Variants in CDC42SE2 observed in about 807,000 individuals in gnomAD.
CDC42SE2 encodes the protein CDC42 small effector 2, also known as CDC42 small effector protein 2.
A neutral mutation model predicts 11.5 loss-of-function variants in CDC42SE2; 3 were observed. The ratio of observed to expected loss-of-function variants is 0.26; its 90% confidence interval spans 0.12 to 0.67. The LOEUF (loss-of-function observed/expected upper bound fraction) is 0.67, where lower values mean the gene tolerates loss of function less well. Among genes scored for constraint, CDC42SE2 ranks in the 30% least tolerant of loss-of-function variants. CDC42SE2 has a pLI of 0.80. For synonymous variants in CDC42SE2, 33 were observed against 34.8 expected (o/e 0.95, Z 0.18); for missense variants, 82 against 106.8 (o/e 0.77, Z 1.02).
chr5:131,253,941 A>G (rs186850626), intron 1 of CDC42SE2, among the ~76,000 whole-genome samples: 13 of 152,234 alleles, frequency 8.5e-5, no homozygotes, highest in East Asian at 7.7e-4. Flanking sequence ...GATGTGTCCT[A>G]TATTTTCTGA....
At chr5:131,273,596 C>A (rs1580724262) in intron 1 of CDC42SE2, among the ~76,000 whole-genome samples, 2 of 150,756 alleles carry the variant, frequency 1.3e-5, no homozygotes, top group South Asian at 4.2e-4. Flanking sequence ...TGGTGAAACC[C>A]CGTCTCTACT....
chr5:131,348,729 TGACTTCAAACTATACTACAA>T (rs576577580), intron 2 of CDC42SE2, among the ~76,000 whole-genome samples: 2,618 of 152,232 alleles, frequency 0.017, 36 homozygotes, highest in Non-Finnish European at 0.027. Flanking sequence ...TCACACTATC[TGACTTCAAACTATACTACAA>T]GGCTACAGTA....
chr5:131,278,791 CTT>C (rs1163849368), intron 1 of CDC42SE2, among the ~76,000 whole-genome samples: 1 of 51,312 alleles, frequency 1.9e-5, no homozygotes, highest in Admixed American at 2.7e-4. Context: ...CCCCTCCCTT[CTT>C]TTTTTTTTTT....
intron 3 of CDC42SE2, among the ~76,000 whole-genome samples, chr5:131,372,437 G>A (rs527831082): frequency 2.2e-4 from 34 of 152,156 alleles, no homozygotes; most frequent in Admixed American, 1.2e-3. Flanking sequence ...AAGGCTGGGC[G>A]CGGTGGTGGC....
chr5:131,320,069 A>G (rs1758130868), intron 2 of CDC42SE2, among the ~76,000 whole-genome samples: 2 of 149,174 alleles, frequency 1.3e-5, no homozygotes, highest in Non-Finnish European at 3.0e-5. Context: ...AAAAAAAAAA[A>G]AAAAAAAAAA....
intron 1 of CDC42SE2, among the ~76,000 whole-genome samples, chr5:131,307,356 G>C (rs529529487): frequency 7.3e-5 from 11 of 151,622 alleles, no homozygotes; most frequent in Non-Finnish European, 1.3e-4. Flanking sequence ...TGAGAATGAT[G>C]GTTTCCAATT....
chr5:131,348,562 C>T (rs978021955), intron 2 of CDC42SE2, among the ~76,000 whole-genome samples: 1 of 152,184 alleles, frequency 6.6e-6, no homozygotes, highest in Non-Finnish European at 1.5e-5. Flanking sequence ...AATGGCCGTA[C>T]TGCCCAAGGT....
intron 2 of CDC42SE2, among the ~76,000 whole-genome samples, chr5:131,340,372 G>A (rs1031492553): frequency 8.5e-5 from 13 of 152,058 alleles, no homozygotes; most frequent in Non-Finnish European, 1.2e-4. Context: ...TATGCTACCC[G>A]TCGGTTAATG....
chr5:131,340,067 G>A (rs190793771), intron 2 of CDC42SE2, among the ~76,000 whole-genome samples: 2 of 152,204 alleles, frequency 1.3e-5, no homozygotes, highest in Admixed American at 1.3e-4. Context: ...CAACAATAGA[G>A]GTCTTCTGCA....
At chr5:131,240,672 G>T (rs1365375606), upstream of CDC42SE2, among the ~76,000 whole-genome samples, 1 of 152,134 alleles carries the variant, frequency 6.6e-6, no homozygotes, top group Non-Finnish European at 1.5e-5. Context: ...CAATTCCCCA[G>T]TTTTAATAAA....
intron 2 of CDC42SE2, among the ~76,000 whole-genome samples, chr5:131,346,956 G>A (rs776736980): frequency 4.3e-4 from 65 of 152,200 alleles, no homozygotes; most frequent in Non-Finnish European, 6.2e-4. Flanking sequence ...TGAAACCAGC[G>A]AGAACAAAGA....
chr5:131,222,006 A>G, the CDC42SE2 span, among the ~76,000 whole-genome samples: 8 of 152,264 alleles, frequency 5.3e-5, no homozygotes, highest in East Asian at 1.5e-3. Flanking sequence ...ATATAATTTT[A>G]GCATAATTAA....
intron 2 of CDC42SE2, among the ~76,000 whole-genome samples, chr5:131,321,951 T>C (rs1207290742): frequency 6.6e-6 from 1 of 152,138 alleles, no homozygotes; most frequent in East Asian, 1.9e-4. Context: ...CCCGGGTTCA[T>C]GCCATTCTCC....
chr5:131,392,000 C>T lies in CDC42SE2; in HGVS notation c.*909C>T, dbSNP rs995228668. On this transcript the variant is annotated 3_prime_UTR_variant, in exon 5 of 5. Transcript: ENST00000505065. Reference sequence around the variant, plus strand: ...CTGCTCTGAAGAAGATACTGTCAGACGAATCCTGCATTTCCTTCAGCTGGC... The same window carrying T: ...CTGCTCTGAAGAAGATACTGTCAGATGAATCCTGCATTTCCTTCAGCTGGC... 1 of 152,286 alleles carries T rather than the reference C, an allele frequency of 6.6e-6. No homozygotes were observed. Among genetic ancestry groups the T allele is most frequent in the African/African-American group, 2.4e-5 (1 of 41,410 alleles). The allele number at this position is 152,286 out of a possible 1,614,324, so 9.4% of individuals were successfully genotyped here. A position where few individuals can be genotyped will look rare whatever the true frequency, so the allele number is the denominator to read the frequency against.
chr5:131,378,307 C>T (rs1750214161), intron 3 of CDC42SE2, among the ~76,000 whole-genome samples: 1 of 152,124 alleles, frequency 6.6e-6, no homozygotes, highest in African/African-American at 2.4e-5. Context: ...AATGTCAAAT[C>T]CATTTTTTAT....
At chr5:131,310,330 G>A (rs1324686025) in intron 1 of CDC42SE2, among the ~76,000 whole-genome samples, 1 of 150,862 alleles carries the variant, frequency 6.6e-6, no homozygotes, top group African/African-American at 2.4e-5. Flanking sequence ...TATAATTTCT[G>A]TTCTTTTACA....
At chr5:131,315,213 A>C (rs1758016217) in intron 1 of CDC42SE2, among the ~76,000 whole-genome samples, 1 of 152,012 alleles carries the variant, frequency 6.6e-6, no homozygotes. Context: ...TTATAGGTTT[A>C]TTTGGACGCT....
chr5:131,225,620 G>T, the CDC42SE2 span, among the ~76,000 whole-genome samples: 8 of 152,132 alleles, frequency 5.3e-5, no homozygotes, highest in African/African-American at 1.7e-4. Flanking sequence ...TCTATGTTCC[G>T]CCAAGGCTCC....
chr5:131,274,491 C>G (rs1407922112), intron 1 of CDC42SE2, among the ~76,000 whole-genome samples: 1 of 152,192 alleles, frequency 6.6e-6, no homozygotes, highest in Non-Finnish European at 1.5e-5. Context: ...TCGTCTCTTG[C>G]ATGTATTATT....
Sources: allele counts gnomAD v4.1 joint callset (sites outside exome capture counted in the v4.1 genomes callset), GRCh38; gene constraint gnomAD v4.1.1; transcripts MANE v1.5; gene names NCBI Gene and HGNC (gene_info 2026-07-23, HGNC 2026-07-21).